The following VRK2 variants were observed in gnomAD, a reference collection of about 807,000 sequenced individuals.
VRK2 encodes the protein VRK serine/threonine kinase 2.
VRK2 carries 60 observed loss-of-function variants against 57.6 expected under a neutral mutation model. The observed-to-expected ratio is 1.04, with a 90% CI of 0.85 to 1.29. VRK2 has a LOEUF of 1.29. VRK2 is among the 50% of genes most tolerant of loss of function. VRK2 has a pLI of 0.00. For missense variants in VRK2, 705 were observed against 588.1 expected, an observed-to-expected ratio of 1.20 and a Z score of -2.06; for synonymous variants, 231 against 199.2, an observed-to-expected ratio of 1.16 and a Z score of -1.35.
rs1490057855 is a variant in VRK2, at chr2:57,945,409, A to G, written c.-439+37570A>G. On this transcript the variant is annotated intron_variant, in intron 1 of 15. Transcript: ENST00000417641. ...ATCAACTGTCACCATATCTACCAGT[A>G]TAAGGTCTGGCACATAATAGCTACT... Among the ~76,000 whole-genome samples, 3 of 152,172 alleles carry G rather than the reference A, an allele frequency of 2.0e-5. No individual in the cohort carries two copies. In the East Asian group the frequency reaches 5.8e-4, roughly 29 times the overall value.
chr2:57,977,071 A>G (rs960976727), intron 1 of VRK2, among the ~76,000 whole-genome samples: 3 of 152,046 alleles, frequency 2.0e-5, no homozygotes, highest in Non-Finnish European at 2.9e-5. Context: ...CCATTGGTCT[A>G]TATGTCTGTT....
chr2:58,058,660 T>C (rs1378331813), intron 2 of VRK2, among the ~76,000 whole-genome samples: 3 of 152,050 alleles, frequency 2.0e-5, no homozygotes, highest in Non-Finnish European at 4.4e-5. Context: ...TGGGACTAGT[T>C]TTTGAATTCT....
intron 12 of VRK2, among the ~76,000 whole-genome samples, chr2:58,154,372 A>G (rs1442614249): frequency 6.6e-6 from 1 of 151,080 alleles, no homozygotes; most frequent in Non-Finnish European, 1.5e-5. Context: ...TATCATATCT[A>G]TGGGGTACAA....
chr2:58,024,040 G>A (rs115329249), intron 1 of VRK2, among the ~76,000 whole-genome samples: 51 of 149,142 alleles, frequency 3.4e-4, no homozygotes, highest in African/African-American at 1.2e-3. Flanking sequence ...GTGCAGTGAC[G>A]CTGTCTCAGC....
chr2:57,924,973 G>C (rs149384346), intron 1 of VRK2, among the ~76,000 whole-genome samples: 3 of 151,988 alleles, frequency 2.0e-5, no homozygotes, highest in Admixed American at 6.6e-5. Flanking sequence ...TGATCATATA[G>C]ATTTTTGTTC....
intron 2 of VRK2, among the ~76,000 whole-genome samples, chr2:58,066,763 A>G (rs563888469): frequency 3.9e-5 from 6 of 152,242 alleles, no homozygotes; most frequent in Admixed American, 1.3e-4. Flanking sequence ...TTTAGTGGTT[A>G]TTTAGGACTA....
At chr2:58,049,068 T>C in intron 2 of VRK2, 101 bp downstream of exon 2, 4 of 1,391,254 alleles carry the variant, frequency 2.9e-6, no homozygotes, top group Non-Finnish European at 3.9e-6. Context: ...TTCATATGTG[T>C]ACTTTATTAA....
At chr2:58,019,446 T>C (rs1673683098) in intron 1 of VRK2, among the ~76,000 whole-genome samples, 1 of 152,212 alleles carries the variant, frequency 6.6e-6, no homozygotes, top group East Asian at 1.9e-4. Flanking sequence ...TATAGACAAG[T>C]GAGACAATTG....
chr2:58,071,282 G>C (rs1394330741), intron 2 of VRK2, among the ~76,000 whole-genome samples: 1 of 151,998 alleles, frequency 6.6e-6, no homozygotes, highest in Non-Finnish European at 1.5e-5. Flanking sequence ...GTCTTTGACA[G>C]AGCAGAAAAT....
intron 1 of VRK2, among the ~76,000 whole-genome samples, chr2:57,976,224 A>G (rs1672247972): frequency 6.6e-6 from 1 of 152,116 alleles, no homozygotes; most frequent in Admixed American, 6.6e-5. Flanking sequence ...TGAACATACA[A>G]GTGCATGTGC....
intron 1 of VRK2, among the ~76,000 whole-genome samples, chr2:57,935,808 T>C (rs1200102934): frequency 1.3e-5 from 2 of 152,200 alleles, no homozygotes; most frequent in Non-Finnish European, 2.9e-5. Flanking sequence ...TTAGAGAAAC[T>C]GCAGACTAAA....
downstream of VRK2, chr2:58,159,872 T>C: frequency 6.3e-7 from 1 of 1,596,804 alleles, no homozygotes; most frequent in Non-Finnish European, 8.5e-7. Context: ...GTACTAGAAA[T>C]AGTGTCATAG....
At chr2:58,081,680 T>C (rs987092862) in intron 2 of VRK2, among the ~76,000 whole-genome samples, 3 of 151,948 alleles carry the variant, frequency 2.0e-5, no homozygotes, top group Admixed American at 6.6e-5. Context: ...ATTTTAACTC[T>C]GATTATGTTT....
chr2:58,008,077 A>C (rs946469073), intron 1 of VRK2, among the ~76,000 whole-genome samples: 10 of 152,144 alleles, frequency 6.6e-5, no homozygotes, highest in Non-Finnish European at 1.5e-4. Context: ...ACATTTTTTA[A>C]AGAACTATAA....
intron 1 of VRK2, among the ~76,000 whole-genome samples, chr2:57,948,580 C>A (rs1671330440): frequency 6.6e-6 from 1 of 151,952 alleles, no homozygotes; most frequent in African/African-American, 2.4e-5. Flanking sequence ...AATAAAATAT[C>A]TTAACTTGTG....
chr2:58,057,924 GAC>G (rs1488214519), intron 2 of VRK2, among the ~76,000 whole-genome samples: 3 of 152,008 alleles, frequency 2.0e-5, no homozygotes, highest in African/African-American at 7.2e-5. Context: ...GGCCAAAGTT[GAC>G]ACACAGAGAG....
At chr2:58,069,990 G>T (rs1669161576) in intron 2 of VRK2, among the ~76,000 whole-genome samples, 1 of 152,030 alleles carries the variant, frequency 6.6e-6, no homozygotes, top group Non-Finnish European at 1.5e-5. Flanking sequence ...TTTTAATCAG[G>T]AGACTCTTAG....
intron 11 of VRK2, among the ~76,000 whole-genome samples, chr2:58,144,322 C>T (rs1325584912): frequency 1.3e-5 from 2 of 151,890 alleles, no homozygotes; most frequent in African/African-American, 2.4e-5. Context: ...ATCTGATGTA[C>T]AGCATGGTGA....
intron 3 of VRK2, among the ~76,000 whole-genome samples, chr2:58,040,124 G>A (rs1572816145): frequency 6.6e-6 from 1 of 151,754 alleles, no homozygotes; most frequent in South Asian, 2.1e-4. Flanking sequence ...ACAGGGTCTC[G>A]CTATGTTCCC....
Sources: gnomAD v4.1 joint callset for allele counts (sites outside exome capture counted in the v4.1 genomes callset) on GRCh38, gnomAD v4.1.1 for gene constraint, MANE v1.5 for transcripts, NCBI Gene and HGNC (gene_info 2026-07-23, HGNC 2026-07-21) for gene names.